Variants in DMRT1 observed in about 807,000 individuals in gnomAD.
DMRT1 encodes the protein doublesex- and mab-3-related transcription factor 1.
DMRT1 carries 7 observed loss-of-function variants against 32.3 expected under a neutral mutation model. The ratio of observed to expected loss-of-function variants is 0.22; its 90% CI spans 0.12 to 0.41. The LOEUF is 0.41. Among genes scored for constraint, DMRT1 ranks in the 10% least tolerant of loss-of-function variants. The probability of loss-of-function intolerance (pLI) is 1.00; values close to 1 mark genes in which losing one functional copy is unlikely to be tolerated. For synonymous variants in DMRT1, 278 were observed against 206.1 expected (o/e 1.35, Z -2.99); for missense variants, 625 against 500.5 (o/e 1.25, Z -2.37).
rs139652655 is a variant in DMRT1, at chr9:965,831, G to A, written c.968-2154G>A. 2.6e-5 allele frequency among the ~76,000 whole-genome samples: 4 copies of A among 152,344 alleles called. No homozygotes were observed. In the East Asian group the frequency reaches 7.7e-4, roughly 29 times the overall value. The stretch of plus-strand genomic sequence containing the variant: ...GAGCACGCCAGAGTCAGCCTAATCA[G>A]TACAGTGCTGCCCTTGACAGCTTGC... On this transcript the variant is annotated intron_variant, in intron 4 of 4. Coordinates refer to ENST00000382276, the MANE Select transcript of DMRT1 (RefSeq NM_021951.3). The surrounding 1 kb of genome is among the most constrained non-coding windows in gnomAD (Gnocchi z 4.5).
intron 2 of DMRT1, among the ~76,000 whole-genome samples, chr9:858,694 C>T (rs1589456497): frequency 6.6e-6 from 1 of 151,646 alleles, no homozygotes; most frequent in Non-Finnish European, 1.5e-5. Context: ...ACCAACATGG[C>T]GAATCCCTGT....
chr9:849,539 C>T (rs922225040), intron 2 of DMRT1, among the ~76,000 whole-genome samples: 2 of 152,144 alleles, frequency 1.3e-5, no homozygotes, highest in African/African-American at 4.8e-5. Context: ...ATGCAGAGTT[C>T]AGAACGACTC....
chr9:877,277 A>G (rs201578794), intron 2 of DMRT1, among the ~76,000 whole-genome samples: 4 of 152,316 alleles, frequency 2.6e-5, no homozygotes, highest in East Asian at 1.9e-4. Flanking sequence ...CCCAGGATAT[A>G]CATACACTCT....
intron 2 of DMRT1, among the ~76,000 whole-genome samples, chr9:856,392 A>G (rs1010569390): frequency 2.0e-5 from 3 of 152,078 alleles, no homozygotes; most frequent in Non-Finnish European, 4.4e-5. Context: ...GTCACTCCCC[A>G]TGTACTCTTC....
chr9:853,920 C>T (rs1057073063), intron 2 of DMRT1, among the ~76,000 whole-genome samples: 6 of 152,032 alleles, frequency 3.9e-5, no homozygotes, highest in East Asian at 3.9e-4. Flanking sequence ...CTCAGCCTCC[C>T]GAGCAGTTAG....
chr9:895,223 G>C (rs1817308324), intron 3 of DMRT1, among the ~76,000 whole-genome samples: 1 of 152,152 alleles, frequency 6.6e-6, no homozygotes, highest in African/African-American at 2.4e-5. Flanking sequence ...GGGCTGTTCT[G>C]CTTCCTCAGT....
At chr9:891,258 C>A (rs1235356675) in intron 2 of DMRT1, among the ~76,000 whole-genome samples, 2 of 149,730 alleles carry the variant, frequency 1.3e-5, no homozygotes. Flanking sequence ...ATCAGCCTGG[C>A]CAACATGGTG....
At chr9:930,223 GT>G (rs1226270535) in intron 4 of DMRT1, among the ~76,000 whole-genome samples, 1 of 151,980 alleles carries the variant, frequency 6.6e-6, no homozygotes, top group African/African-American at 2.4e-5. Context: ...CTATTTGTTT[GT>G]TTTTTTAGAG....
intron 3 of DMRT1, among the ~76,000 whole-genome samples, chr9:916,024 C>A (rs981484325): frequency 6.6e-6 from 1 of 152,144 alleles, no homozygotes; most frequent in African/African-American, 2.4e-5. Context: ...TGAGCCACTG[C>A]GTCCAGCCTA....
chr9:922,350 A>G (rs1183739259), intron 4 of DMRT1, among the ~76,000 whole-genome samples: 1 of 152,130 alleles, frequency 6.6e-6, no homozygotes. Flanking sequence ...TGGCTTATAT[A>G]AGAATGTGGC....
chr9:921,543 T>C (rs1321393947), intron 4 of DMRT1, among the ~76,000 whole-genome samples: 1 of 152,182 alleles, frequency 6.6e-6, no homozygotes, highest in Non-Finnish European at 1.5e-5. Context: ...GGTAAGTCTA[T>C]ATGTAATTTT....
At chr9:851,546 A>C (rs4268177) in intron 2 of DMRT1, among the ~76,000 whole-genome samples, 106,252 of 152,036 alleles carry the variant, frequency 0.7, 37,996 homozygotes, top group Middle Eastern at 0.78. Context: ...CCTTAGTAGA[A>C]TTTAAAGTCC....
intron 3 of DMRT1, among the ~76,000 whole-genome samples, chr9:897,652 G>A (rs566538349): frequency 1.4e-4 from 21 of 151,456 alleles, no homozygotes; most frequent in Admixed American, 4.6e-4. Flanking sequence ...CTATTATGTC[G>A]TTGTTGGTTT....
intron 1 of DMRT1, among the ~76,000 whole-genome samples, chr9:844,649 G>C (rs1265469913): frequency 6.6e-6 from 1 of 151,440 alleles, no homozygotes; most frequent in African/African-American, 2.4e-5. Flanking sequence ...CAATTAATCA[G>C]CTTCCTGTGT....
chr9:899,983 T>C (rs371542260), intron 3 of DMRT1, among the ~76,000 whole-genome samples: 47 of 152,362 alleles, frequency 3.1e-4, no homozygotes, highest in African/African-American at 1.1e-3. Context: ...CTGAAGTGTT[T>C]TATGGTTGTC....
intron 4 of DMRT1, among the ~76,000 whole-genome samples, chr9:960,923 T>A (rs1342713766): frequency 6.6e-6 from 1 of 152,126 alleles, no homozygotes; most frequent in Non-Finnish European, 1.5e-5. Flanking sequence ...AGGGCTCAGT[T>A]CAGACAGCAT....
chr9:954,872 C>T (rs930314243), intron 4 of DMRT1, among the ~76,000 whole-genome samples: 1 of 152,074 alleles, frequency 6.6e-6, no homozygotes, highest in Non-Finnish European at 1.5e-5. Flanking sequence ...GGACTCCTGA[C>T]CTCGTGATCT....
At chr9:943,136 A>T (rs1469390704) in intron 4 of DMRT1, among the ~76,000 whole-genome samples, 2 of 152,236 alleles carry the variant, frequency 1.3e-5, no homozygotes, top group Non-Finnish European at 2.9e-5. Flanking sequence ...AGAGTGAAGG[A>T]TCAGGAGGAG....
chr9:892,041 G>T (rs1281220310), intron 2 of DMRT1, among the ~76,000 whole-genome samples: 2 of 152,114 alleles, frequency 1.3e-5, no homozygotes, highest in Non-Finnish European at 2.9e-5. Context: ...CATCTCTTTG[G>T]ATTTCTTGTT....
Sources: gnomAD v4.1 joint callset for allele counts (sites outside exome capture counted in the v4.1 genomes callset) on GRCh38, gnomAD v4.1.1 for gene constraint, Gnocchi (gnomAD v3.1) non-coding constraint, MANE v1.5 for transcripts, NCBI Gene and HGNC (gene_info 2026-07-23, HGNC 2026-07-21) for gene names.